FLT1: variants seen among roughly 807,000 people sequenced by gnomAD.
FLT1 encodes vascular endothelial growth factor receptor 1.
A neutral mutation model predicts 156.3 loss-of-function variants in FLT1; 49 were observed. That is an observed-to-expected ratio of 0.31 (90% CI 0.25 to 0.40). The LOEUF is 0.40. Among genes scored for constraint, FLT1 ranks in the 10% least tolerant of loss-of-function variants. The pLI, the probability that FLT1 is intolerant of heterozygous loss-of-function variation, is 1.00. For synonymous variants in FLT1, 594 were observed against 583.8 expected, an observed-to-expected ratio of 1.02 and a Z score of -0.25; for missense variants, 1,322 against 1,637.2, an observed-to-expected ratio of 0.81 and a Z score of 3.32.
At chr13:28,372,699 T>C (rs1458447133) in intron 14 of FLT1, among the ~76,000 whole-genome samples, 1 of 149,232 alleles carries the variant, frequency 6.7e-6, no homozygotes, top group Non-Finnish European at 1.5e-5. Flanking sequence ...CTGGCCAACA[T>C]GGTGAAACCC....
At chr13:28,385,833 ACCCC>A (rs1437584649) in intron 13 of FLT1, 7 of 1,052,000 alleles carry the variant, frequency 6.7e-6, no homozygotes, top group Non-Finnish European at 8.0e-6. Flanking sequence ...GAACAGCAGT[ACCCC>A]CAAGGCCCCC....
intron 14 of FLT1, among the ~76,000 whole-genome samples, chr13:28,378,109 C>T (rs1476729539): frequency 2.1e-5 from 3 of 144,942 alleles, no homozygotes; most frequent in Non-Finnish European, 3.0e-5. Flanking sequence ...AGTGCAGTGG[C>T]GTGATCTCGG....
At chr13:28,362,626 C>T (rs916372314) in intron 14 of FLT1, among the ~76,000 whole-genome samples, 2 of 152,086 alleles carry the variant, frequency 1.3e-5, no homozygotes, top group African/African-American at 4.8e-5. Context: ...CGAGACCAGC[C>T]TGGGCAACAT....
Position 28,414,623 on chromosome 13 carries a change from C to T in FLT1, c.1437-8729G>A, listed in dbSNP as rs144659419. On this transcript the variant is annotated intron_variant, in intron 10 of 29. Transcript: ENST00000282397. ...TTGTCAGTTTATTATCTGATTTCAT[C>T]GAGAGCTACTTACGTATGGACAGGG... is the stretch of plus-strand genomic sequence containing the variant. 2.0e-4 allele frequency among the ~76,000 whole-genome samples: 30 copies of T among 152,318 alleles called. No homozygotes were observed. The East Asian group carries it at 5.0e-3, about 25-fold the overall frequency.
intron 23 of FLT1, 93 bp downstream of exon 23, chr13:28,321,370 G>T: frequency 6.9e-7 from 1 of 1,446,446 alleles, no homozygotes; most frequent in Non-Finnish European, 9.6e-7. Flanking sequence ...TGGTTTTCAG[G>T]GACTACAGCT....
At chr13:28,381,361 A>C (rs1331232975) in intron 14 of FLT1, among the ~76,000 whole-genome samples, 1 of 152,162 alleles carries the variant, frequency 6.6e-6, no homozygotes, top group East Asian at 1.9e-4. Context: ...GTTTGAGACC[A>C]GCTTGGCCAA....
intron 20 of FLT1, among the ~76,000 whole-genome samples, chr13:28,326,967 G>A (rs572399800): frequency 6.6e-6 from 1 of 152,234 alleles, no homozygotes; most frequent in East Asian, 1.9e-4. Flanking sequence ...GTAGGGGAAA[G>A]GGCAGTGGAA....
chr13:28,477,936 T>A (rs1288508695), intron 1 of FLT1, among the ~76,000 whole-genome samples: 1 of 152,236 alleles, frequency 6.6e-6, no homozygotes, highest in Non-Finnish European at 1.5e-5. Flanking sequence ...GCCATTTCAA[T>A]AAACACACTC....
chr13:28,457,113 A>G (rs1390734857), intron 3 of FLT1, among the ~76,000 whole-genome samples: 1 of 152,014 alleles, frequency 6.6e-6, no homozygotes, highest in African/African-American at 2.4e-5. Context: ...TATATAGGAA[A>G]TCTCTGTACC....
Position 28,430,109 on chromosome 13 carries a change from G to A in FLT1, c.1047C>T (p.Gly349=). ...TCATAGAGAGCCGGTAAGACCGCTT[G>A]CCAGCTACGGTTTCAAGCACCTGCT... ...RKQQVLETVA[G]KRSYRLSMKV... The change falls in exon 8 of 30, where the codon GGC becomes GGT. Residue 349 remains glycine (G), a synonymous_variant. Transcript: ENST00000282397. The A allele has an allele frequency of 6.2e-7, 1 of 1,613,926 alleles. No homozygotes were observed. Among genetic ancestry groups the A allele is most frequent in the East Asian group, 2.2e-5 (1 of 44,878 alleles).
At chr13:28,397,981 G>A (rs566428640) in intron 11 of FLT1, among the ~76,000 whole-genome samples, 53 of 152,128 alleles carry the variant, frequency 3.5e-4, no homozygotes, top group African/African-American at 1.3e-3. Context: ...AAATTCTGAT[G>A]TCTAAAAAGT....
At position 28,397,322 on chromosome 13, in the gene FLT1, C is replaced by T. The variant is rs74818580; in HGVS notation, c.1552-254G>A. 1.0e-3 allele frequency among the ~76,000 whole-genome samples: 155 copies of T among 152,256 alleles called. 1 individual carries two copies. Among genetic ancestry groups the T allele is most frequent in the African/African-American group, 3.1e-3 (130 of 41,550 alleles). On this transcript the variant is annotated intron_variant, in intron 11 of 29. Transcript: ENST00000282397. ...ATGAGGGTTTCAGGCTTATTTATCTCGTGCTGCTGGCGTAACAATTACAGA... is the reference window on the plus strand; with the variant it reads ...ATGAGGGTTTCAGGCTTATTTATCTTGTGCTGCTGGCGTAACAATTACAGA...
chr13:28,354,078 AACAG>A (rs1872819443), intron 15 of FLT1, among the ~76,000 whole-genome samples: 1 of 152,192 alleles, frequency 6.6e-6, no homozygotes, highest in African/African-American at 2.4e-5. Flanking sequence ...ATATGCATCT[AACAG>A]GAAATAAAGT....
At chr13:28,379,148 G>A (rs143022319) in intron 14 of FLT1, among the ~76,000 whole-genome samples, 3,929 of 152,164 alleles carry the variant, frequency 0.026, 126 homozygotes, top group Admixed American at 0.089. Context: ...TTCAAGACCA[G>A]CCTGGCCAAC....
chr13:28,400,481 C>A (rs547680292), intron 11 of FLT1, among the ~76,000 whole-genome samples: 8 of 152,220 alleles, frequency 5.3e-5, no homozygotes, highest in African/African-American at 1.9e-4. Context: ...CAAACATTTT[C>A]TCATTAAAAA....
chr13:28,444,938 CA>C (rs1334090401), intron 3 of FLT1, among the ~76,000 whole-genome samples: 4 of 151,968 alleles, frequency 2.6e-5, no homozygotes, highest in African/African-American at 9.7e-5. Flanking sequence ...CATCTCAAAT[CA>C]ATAACCTAAA....
At chr13:28,373,927 G>A (rs1055479256) in intron 14 of FLT1, among the ~76,000 whole-genome samples, 1 of 152,016 alleles carries the variant, frequency 6.6e-6, no homozygotes, top group Non-Finnish European at 1.5e-5. Flanking sequence ...GCCATTGACT[G>A]CTCTTCAGAC....
rs2137546883 is a variant in FLT1 at position 28,431,275 on chromosome 13, G to T, written c.849C>A (p.Asp283Glu). 6.2e-7 allele frequency: 1 copy of T among 1,613,792 alleles called. No homozygotes were observed. The highest frequency in any genetic ancestry group is 8.5e-7 in the Non-Finnish European group (1 of 1,179,718). ...NKRASVRRRI[D>E]QSNSHANIFY... is the part of the protein sequence containing the mutation. ...ATATGTTGGCATGGGAATTGCTTTG[G>T]TCAATTCGTCGCCTTACGGAAGCTC... The change falls in exon 7 of 30, where the codon GAC (aspartate) becomes GAA (glutamate). Residue 283 changes from aspartate (D) to glutamate (E), a missense_variant. Coordinates refer to ENST00000282397, the MANE Select transcript of FLT1 (RefSeq NM_002019.4).
chr13:28,425,148 C>A (rs1877267310), intron 10 of FLT1, among the ~76,000 whole-genome samples: 1 of 152,176 alleles, frequency 6.6e-6, no homozygotes, highest in Middle Eastern at 3.2e-3. Context: ...TTAGTACCTG[C>A]TGACTAATGT....
Sources: gnomAD v4.1 joint callset for allele counts (sites outside exome capture counted in the v4.1 genomes callset) on GRCh38, gnomAD v4.1.1 for gene constraint, MANE v1.5 for transcripts, NCBI Gene and HGNC (gene_info 2026-07-23, HGNC 2026-07-21) for gene names.